TRIO: variants seen among roughly 807,000 people sequenced by gnomAD.
TRIO encodes triple functional domain protein.
Under a neutral mutation model 351.9 loss-of-function variants are expected in TRIO, and 58 were observed. That is an observed-to-expected ratio of 0.16 (90% confidence interval 0.13 to 0.21). TRIO has a LOEUF of 0.21. TRIO is among the 10% of genes least tolerant of loss of function. TRIO has a pLI of 1.00. For synonymous variants in TRIO, 1,758 were observed against 1,595.7 expected (o/e 1.10, Z -2.42); for missense variants, 3,201 against 4,027.8 (o/e 0.79, Z 5.56).
chr5:14,405,483 A>T (rs756672764), intron 31 of TRIO, among the ~76,000 whole-genome samples: 2 of 152,146 alleles, frequency 1.3e-5, no homozygotes, highest in African/African-American at 2.4e-5. Flanking sequence ...TATGCCCCCT[A>T]CTGACCAGTG....
At chr5:14,177,569 A>AT (rs1303034984) in intron 1 of TRIO, among the ~76,000 whole-genome samples, 1 of 152,198 alleles carries the variant, frequency 6.6e-6, no homozygotes, top group African/African-American at 2.4e-5. Flanking sequence ...CAGATAGGAA[A>AT]TTTAAGAACA....
intron 1 of TRIO, among the ~76,000 whole-genome samples, chr5:14,257,296 T>G (rs1490245261): frequency 6.6e-6 from 1 of 152,186 alleles, no homozygotes; most frequent in Non-Finnish European, 1.5e-5. Flanking sequence ...TAGCATTCAC[T>G]CTCACCTGTC....
rs111593684 is a variant in TRIO, at chr5:14,481,161, TAA to T, written c.6337-63_6337-62del. On this transcript the variant is annotated intron_variant, in intron 43 of 56. Coordinates refer to ENST00000344204, the MANE Select transcript of TRIO (RefSeq NM_007118.4). Reference sequence around the variant, plus strand: ...AGTAACATAGTGAGACCCTGTCTCTTAAAAAAAAAAATAAAAGGTCAGCTGCT... The same window carrying T: ...AGTAACATAGTGAGACCCTGTCTCTTAAAAAAAAATAAAAGGTCAGCTGCT... 7.4e-4 allele frequency: 968 copies of T among 1,308,686 alleles called. 1 individual carries two copies. The highest frequency in any genetic ancestry group is 2.9e-3 in the Admixed American group (134 of 45,984). The allele number at this position is 1,308,686 out of a possible 1,614,324, so 81.1% of individuals were successfully genotyped here.
At chr5:14,191,621 T>G (rs951917191) in intron 1 of TRIO, among the ~76,000 whole-genome samples, 15 of 152,202 alleles carry the variant, frequency 9.9e-5, no homozygotes, top group Admixed American at 9.8e-4. Flanking sequence ...CCACTTATTT[T>G]CATCATTAAC....
chr5:14,211,059 C>T (rs975046485), intron 1 of TRIO, among the ~76,000 whole-genome samples: 10 of 152,092 alleles, frequency 6.6e-5, no homozygotes, highest in Admixed American at 3.3e-4. Context: ...CACTTGAAGC[C>T]GTGCCAACTG....
chr5:14,165,739 G>T (rs1788724746), intron 1 of TRIO, among the ~76,000 whole-genome samples: 1 of 152,124 alleles, frequency 6.6e-6, no homozygotes, highest in Non-Finnish European at 1.5e-5. Flanking sequence ...CATTTGCCCA[G>T]AAGTAAGCAT....
Position 14,498,121 on chromosome 5 carries a change from G to A in TRIO, c.8080G>A (p.Val2694Ile). The A allele has an allele frequency of 6.2e-7, 1 of 1,614,208 alleles. No individual in the cohort carries two copies. The highest frequency in any genetic ancestry group is 1.1e-5 in the South Asian group (1 of 91,084). Residue 2694 changes from valine (V) to isoleucine (I), a missense_variant, in exon 52 of 57, where the codon GTC (valine) becomes ATC (isoleucine). By Grantham distance (29) the Val-to-Ile change is conservative. Coordinates refer to ENST00000344204, the MANE Select transcript of TRIO (RefSeq NM_007118.4). ...PPEFVIPLSE[V>I]TCETGETVVL... ...AGAATTCGTCATTCCATTGAGTGAG[G>A]TCACGTGTGAGACAGGGGAGACCGT...
At position 14,143,531 on chromosome 5, in the gene TRIO, A is replaced by T. The variant is rs1787298490; in HGVS notation, c.-195A>T. On this transcript the variant is annotated 5_prime_UTR_variant, in exon 1 of 57. Transcript: ENST00000344204. ...CGGCCAGCTCGCGGCTACCGGGCGG[A>T]GTCCTCGTCTATGTGGGCGCGCTCC... Among the ~76,000 whole-genome samples the T allele has an allele frequency of 6.8e-6, 1 of 146,808 alleles. No individual in the cohort carries two copies. The highest frequency in any genetic ancestry group is 1.5e-5 in the Non-Finnish European group (1 of 66,104).
chr5:14,267,477 A>C (rs2152267258), intron 1 of TRIO, among the ~76,000 whole-genome samples: 1 of 152,286 alleles, frequency 6.6e-6, no homozygotes, highest in East Asian at 1.9e-4. Flanking sequence ...CCACAGTTAG[A>C]TCCTTTAATG....
chr5:14,303,315 A>T (rs1019848128), intron 7 of TRIO, among the ~76,000 whole-genome samples: 12 of 131,420 alleles, frequency 9.1e-5, no homozygotes, highest in African/African-American at 3.6e-4. Flanking sequence ...CGGGATTGGG[A>T]TGGCTGCCAC....
At chr5:14,409,162 A>G (rs1439086760) in intron 33 of TRIO, among the ~76,000 whole-genome samples, 1 of 152,166 alleles carries the variant, frequency 6.6e-6, no homozygotes, top group African/African-American at 2.4e-5. Flanking sequence ...GCCCCAGCAC[A>G]GCCCTGGCCC....
chr5:14,406,714 C>G (rs756754191), intron 33 of TRIO, 42 bp downstream of exon 33: 5 of 1,587,744 alleles, frequency 3.1e-6, no homozygotes, highest in Non-Finnish European at 4.3e-6. Context: ...GGGAATGTGG[C>G]CAGTCTCTGG....
intron 1 of TRIO, among the ~76,000 whole-genome samples, chr5:14,229,669 CT>C (rs1396643596): frequency 6.6e-6 from 1 of 152,176 alleles, no homozygotes; most frequent in Non-Finnish European, 1.5e-5. Flanking sequence ...AGTGTTGACT[CT>C]GTTGGACCAA....
intron 34 of TRIO, among the ~76,000 whole-genome samples, chr5:14,442,476 G>C (rs1240419929): frequency 2.0e-5 from 3 of 152,304 alleles, no homozygotes; most frequent in Middle Eastern, 3.4e-3. Context: ...ATTTGTTCAT[G>C]GAATACTAGG....
At chr5:14,437,878 T>C (rs938373327) in intron 34 of TRIO, among the ~76,000 whole-genome samples, 2 of 152,174 alleles carry the variant, frequency 1.3e-5, no homozygotes, top group African/African-American at 4.8e-5. Context: ...AATATGGCCA[T>C]GATGTTAAGA....
chr5:14,228,555 T>A (rs1291740031), intron 1 of TRIO, among the ~76,000 whole-genome samples: 1 of 152,212 alleles, frequency 6.6e-6, no homozygotes, highest in Non-Finnish European at 1.5e-5. Context: ...ATGCAATTCT[T>A]TGAACTTTTA....
rs2126731186 is a variant in TRIO at position 14,509,832 on chromosome 5, A to C, written c.*1410A>C. 1 of 175,600 alleles carries C rather than the reference A, an allele frequency of 5.7e-6. No individual in the cohort carries two copies. The highest frequency in any genetic ancestry group is 1.8e-4 in the East Asian group (1 of 5,514). The allele number at this position is 175,600 out of a possible 1,614,324, so 10.9% of individuals were successfully genotyped here. ...ATGTCTTTTTATCTTTCTCGTGTGA[A>C]CTGCACTACAAAAGAGACCAGCCCG... On this transcript the variant is annotated 3_prime_UTR_variant, in exon 57 of 57. Transcript: ENST00000344204.
chr5:14,383,180 G>T (rs530589097), intron 21 of TRIO, among the ~76,000 whole-genome samples: 1 of 152,168 alleles, frequency 6.6e-6, no homozygotes, highest in Admixed American at 6.5e-5. Context: ...TTTTTAATTA[G>T]TTGGGCATGG....
At chr5:14,263,708 G>C (rs1176466150) in intron 1 of TRIO, among the ~76,000 whole-genome samples, 1 of 152,106 alleles carries the variant, frequency 6.6e-6, no homozygotes, top group African/African-American at 2.4e-5. Context: ...AGTCTTTGGG[G>C]CAGGACAGCA....
Sources: allele counts gnomAD v4.1 joint callset (sites outside exome capture counted in the v4.1 genomes callset), GRCh38; gene constraint gnomAD v4.1.1; transcripts MANE v1.5; gene names NCBI Gene and HGNC (gene_info 2026-07-23, HGNC 2026-07-21).